Variants in ZFPM1 observed in about 807,000 individuals in gnomAD.
ZFPM1 encodes the protein zinc finger protein, FOG family member 1, also known as zinc finger protein ZFPM1.
In ZFPM1, 28 loss-of-function variants were observed where a neutral mutation model predicts 46.3. The ratio of observed to expected loss-of-function variants is 0.60; its 90% CI spans 0.45 to 0.83. The LOEUF (loss-of-function observed/expected upper bound fraction) is 0.83, where lower values mean the gene tolerates loss of function less well. Ranked by LOEUF, ZFPM1 falls within the 40% of genes least tolerant of loss-of-function variation. ZFPM1 has a pLI of 0.00. For synonymous variants in ZFPM1, 957 were observed against 675.9 expected (o/e 1.42, Z -6.45); for missense variants, 1,878 against 1,432.4 (o/e 1.31, Z -5.02).
intron 4 of ZFPM1, among the ~76,000 whole-genome samples, chr16:88,526,497 T>C (rs964164579): frequency 1.3e-5 from 2 of 152,178 alleles, no homozygotes; most frequent in South Asian, 4.1e-4. Flanking sequence ...TGCTGCTCCC[T>C]GGCTGTGTGA....
chr16:88,516,275 C>T (rs747090411), intron 4 of ZFPM1: 27 of 398,304 alleles, frequency 6.8e-5, no homozygotes, highest in Non-Finnish European at 1.0e-4. Context: ...GTCATCCCCA[C>T]GGGCTGCCCT....
At chr16:88,482,658 C>G (rs1447255088) in intron 1 of ZFPM1, among the ~76,000 whole-genome samples, 1 of 152,176 alleles carries the variant, frequency 6.6e-6, no homozygotes, top group Non-Finnish European at 1.5e-5. Context: ...CCCCAGTGCT[C>G]TGGTCCCCGA....
Position 88,466,475 on chromosome 16 carries a change from C to T in ZFPM1, c.40+12797C>T, listed in dbSNP as rs74842013. Among the ~76,000 whole-genome samples the T allele has an allele frequency of 7.9e-4, 121 of 152,284 alleles. No individual in the cohort carries two copies. In the East Asian group the frequency reaches 0.016, roughly 20 times the overall value. The stretch of plus-strand genomic sequence containing the variant: ...CTGGCTGGAGGTTCTGGGGTGTTTG[C>T]AGTGGGGGGCAGCCCACGAGCCTCC... On this transcript the variant is annotated intron_variant, in intron 1 of 9. Coordinates refer to ENST00000319555, the MANE Select transcript of ZFPM1 (RefSeq NM_153813.3).
chr16:88,524,652 T>G lies in ZFPM1; in HGVS notation c.403-2162T>G, dbSNP rs111618313. On this transcript the variant is annotated intron_variant, in intron 4 of 9. Transcript: ENST00000319555. ...TAATATGCATCCTGTGCTGGGAACC[T>G]GCCAGGCAGGCAAAAAGCTTCACAC... Among the ~76,000 whole-genome samples the G allele has an allele frequency of 1.8e-3, 274 of 152,348 alleles. 1 individual carries two copies. The highest frequency in any genetic ancestry group is 2.3e-3 in the Non-Finnish European group (159 of 68,028).
chr16:88,501,156 A>G (rs980215930), intron 3 of ZFPM1, among the ~76,000 whole-genome samples: 4 of 112,342 alleles, frequency 3.6e-5, no homozygotes, highest in African/African-American at 6.7e-5. Context: ...GGTGCTGGTG[A>G]TGATGGAGAT....
At chr16:88,485,406 G>T (rs1042302603) in intron 1 of ZFPM1, among the ~76,000 whole-genome samples, 3 of 151,888 alleles carry the variant, frequency 2.0e-5, no homozygotes, top group Non-Finnish European at 4.4e-5. Context: ...TGGAAATGTT[G>T]CAGAGGGTGG....
At chr16:88,519,146 ATGGATGATGGG>A (rs1257477312) in intron 4 of ZFPM1, among the ~76,000 whole-genome samples, 1 of 111,366 alleles carries the variant, frequency 9.0e-6, no homozygotes, top group Non-Finnish European at 1.8e-5. Flanking sequence ...GGATGGATGG[ATGGATGATGGG>A]TGGATGCATG....
chr16:88,497,105 A>C lies in ZFPM1; in HGVS notation c.268+7952A>C, dbSNP rs1909972445. On this transcript the variant is annotated intron_variant, in intron 3 of 9. Coordinates refer to ENST00000319555, the MANE Select transcript of ZFPM1 (RefSeq NM_153813.3). This position sits in a 1 kb window ranked among gnomAD's most constrained non-coding sequence, Gnocchi z 5.4. ...TGGACAAGGTGAATTCCAGCTGATC[A>C]CACAAGTCGTGACTTTTCCATCCCC... 6.6e-6 allele frequency among the ~76,000 whole-genome samples: 1 copy of C among 152,220 alleles called. No individual in the cohort carries two copies. The highest frequency in any genetic ancestry group is 1.5e-5 in the Non-Finnish European group (1 of 68,046).
intron 3 of ZFPM1, among the ~76,000 whole-genome samples, chr16:88,492,467 T>C (rs1450368465): frequency 2.0e-5 from 3 of 152,174 alleles, no homozygotes; most frequent in Non-Finnish European, 2.9e-5. Context: ...ACTCTGCACC[T>C]TGTGGCTTTG....
chr16:88,533,849 G>T lies in ZFPM1; in HGVS notation c.1891G>T (p.Glu631Ter). The T allele has an allele frequency of 1.0e-6, 1 of 983,472 alleles. No homozygotes were observed. Among genetic ancestry groups the T allele is most frequent in the Non-Finnish European group, 1.2e-6 (1 of 830,800 alleles). 60.9% of individuals were successfully genotyped at this position (983,472 alleles called of 1,614,324 possible). A position where few individuals can be genotyped will look rare whatever the true frequency, so the allele number is the denominator to read the frequency against. The change falls in exon 10 of 10, where the codon GAA becomes TAA. Residue 631 changes from glutamate (E) to a stop codon, truncating the protein, a stop_gained. Transcript: ENST00000319555. LOFTEE classifies it low-confidence loss of function (END_TRUNC). Reference sequence around the variant, plus strand: ...CCGCGCGCCCCCCGGCCAGCCCGCCGAACCCGACGCGCCGCGCTCGTCCCC... The same window carrying T: ...CCGCGCGCCCCCCGGCCAGCCCGCCTAACCCGACGCGCCGCGCTCGTCCCC... Reference protein sequence around the residue: ...PARAPPGQPAEPDAPRSSPGP... With the variant: ...PARAPPGQPA
intron 6 of ZFPM1, chr16:88,530,891 G>C (rs965756144): frequency 1.3e-5 from 2 of 152,328 alleles, no homozygotes; most frequent in Non-Finnish European, 2.9e-5. Flanking sequence ...AGCCAGAAAA[G>C]TCGTTAGAAC....
chr16:88,523,732 G>C (rs895414661), intron 4 of ZFPM1, among the ~76,000 whole-genome samples: 2 of 152,204 alleles, frequency 1.3e-5, no homozygotes, highest in Non-Finnish European at 2.9e-5. Context: ...TTTGGCAGTG[G>C]GGGCCGTGGC....
chr16:88,455,679 G>A (rs1361831670), intron 1 of ZFPM1, among the ~76,000 whole-genome samples: 2 of 152,118 alleles, frequency 1.3e-5, no homozygotes, highest in Non-Finnish European at 2.9e-5. Flanking sequence ...GCGCCTCTGT[G>A]CGCCTTTTGT....
At chr16:88,515,519 A>C (rs888731992) in intron 4 of ZFPM1, among the ~76,000 whole-genome samples, 3 of 152,242 alleles carry the variant, frequency 2.0e-5, no homozygotes, top group African/African-American at 7.2e-5. Context: ...GGGCGTGGGC[A>C]GGGCTGCAAG....
Position 88,524,689 on chromosome 16 carries a change from TC to T in ZFPM1, c.403-2122del, listed in dbSNP as rs1296299436. ...AAAAAGCTTCACACAGATCATGGCCTCCCAACATACCGGGAGGAAACTGAGT... is the reference window on the plus strand; with the variant it reads ...AAAAAGCTTCACACAGATCATGGCCTCCAACATACCGGGAGGAAACTGAGT... On this transcript the variant is annotated intron_variant, in intron 4 of 9. Coordinates refer to ENST00000319555, the MANE Select transcript of ZFPM1 (RefSeq NM_153813.3). Among the ~76,000 whole-genome samples, 4 of 152,336 alleles carry T rather than the reference TC, an allele frequency of 2.6e-5. No homozygotes were observed. The South Asian group carries it at 8.3e-4, about 32-fold the overall frequency.
rs1909410320 is a variant in ZFPM1 at position 88,489,110 on chromosome 16, C to T, written c.225C>T (p.Pro75=). The change falls in exon 3 of 10, where the codon CCC becomes CCT. Residue 75 remains proline (P), a synonymous_variant. Coordinates refer to ENST00000319555, the MANE Select transcript of ZFPM1 (RefSeq NM_153813.3). ...PKELEGQEPE[P]RPTEEEPGSP... ...AGCTGGAAGGACAGGAACCAGAACC[C>T]AGGCCCACGGAGGAAGAGCCGGGCA... 6.2e-7 allele frequency: 1 copy of T among 1,612,276 alleles called. No individual in the cohort carries two copies. The highest frequency in any genetic ancestry group is 1.1e-5 in the South Asian group (1 of 90,988).
intron 1 of ZFPM1, among the ~76,000 whole-genome samples, chr16:88,477,238 C>T (rs1908730640): frequency 6.6e-6 from 1 of 152,354 alleles, no homozygotes; most frequent in Middle Eastern, 3.4e-3. Context: ...GGCGTGTGGG[C>T]TTTGGCCTGT....
chr16:88,531,897 G>T lies in ZFPM1; in HGVS notation c.713-105G>T, dbSNP rs576803126. 35 of 1,112,804 alleles carry T rather than the reference G, an allele frequency of 3.1e-5. No individual in the cohort carries two copies. In the Admixed American group the frequency reaches 5.9e-4, roughly 19 times the overall value. The allele number at this position is 1,112,804 out of a possible 1,614,324, so 68.9% of individuals were successfully genotyped here. On this transcript the variant is annotated intron_variant, in intron 6 of 9. Transcript: ENST00000319555. ...TCAAAGCCTCAGCTCCTGGGGTGGGGAGGACGGTGGGGTCCGTCACGGCCA... is the reference window on the plus strand; with the variant it reads ...TCAAAGCCTCAGCTCCTGGGGTGGGTAGGACGGTGGGGTCCGTCACGGCCA...
intron 1 of ZFPM1, among the ~76,000 whole-genome samples, chr16:88,479,446 C>T (rs73257679): frequency 0.018 from 2,706 of 152,118 alleles, 73 homozygotes; most frequent in African/African-American, 0.061. Context: ...GACCCAGGCC[C>T]TCTGCAATGG....
Sources: gnomAD v4.1 joint callset for allele counts (sites outside exome capture counted in the v4.1 genomes callset) on GRCh38, gnomAD v4.1.1 for gene constraint, Gnocchi (gnomAD v3.1) non-coding constraint, MANE v1.5 for transcripts, NCBI Gene and HGNC (gene_info 2026-07-23, HGNC 2026-07-21) for gene names.